Variants in PPP1R12B observed in about 807,000 individuals in gnomAD.
PPP1R12B encodes the protein protein phosphatase 1 regulatory subunit 12B.
Under a neutral mutation model 126.1 loss-of-function variants are expected in PPP1R12B, and 76 were observed. The ratio of observed to expected loss-of-function variants is 0.60; its 90% CI spans 0.50 to 0.73. The LOEUF is 0.73. Among genes scored for constraint, PPP1R12B ranks in the 30% least tolerant of loss-of-function variants. The pLI is 0.00. For missense variants in PPP1R12B, 1,052 were observed against 1,205.1 expected, an observed-to-expected ratio of 0.87 and a Z score of 1.88; for synonymous variants, 356 against 434.7, an observed-to-expected ratio of 0.82 and a Z score of 2.25.
chr1:202,493,232 G>T lies in PPP1R12B; in HGVS notation c.2060G>T (p.Ser687Ile). Residue 687 changes from serine to isoleucine, a missense_variant, in exon 15 of 24, where the codon AGC (serine) becomes ATC (isoleucine). Coordinates refer to ENST00000608999, the MANE Select transcript of PPP1R12B (RefSeq NM_002481.4). ...ACAGACACTGAAGGGCTTGAGGGGA[G>T]CCCTGAGAAGCATGAGCCCTCAGCA... ...KPTDTEGLEGSPEKHEPSAVP... is the reference protein window; with the variant it reads ...KPTDTEGLEGIPEKHEPSAVP... The T allele has an allele frequency of 6.2e-7, 1 of 1,613,004 alleles. No homozygotes were observed. The highest frequency in any genetic ancestry group is 1.3e-5 in the African/African-American group (1 of 75,014).
intron 12 of PPP1R12B, chr1:202,443,177 T>C (rs954294049): frequency 7.5e-6 from 7 of 931,122 alleles, no homozygotes; most frequent in African/African-American, 7.1e-5. Flanking sequence ...TCTGCAATTA[T>C]TTTCTTTGCC....
intron 18 of PPP1R12B, among the ~76,000 whole-genome samples, chr1:202,516,345 A>G (rs554194881): frequency 4.3e-4 from 66 of 152,302 alleles, no homozygotes; most frequent in African/African-American, 1.6e-3. Flanking sequence ...AAGAAGAGAA[A>G]GAGATAAAGG....
chr1:202,426,392 C>G (rs943193421), intron 4 of PPP1R12B, among the ~76,000 whole-genome samples: 3 of 152,110 alleles, frequency 2.0e-5, no homozygotes, highest in Non-Finnish European at 4.4e-5. Flanking sequence ...ATAGCGCTAT[C>G]CATAAGGGCC....
chr1:202,564,363 A>C, intron 20 of PPP1R12B, 80 bp from the exon 21 acceptor site: 3 of 1,060,610 alleles, frequency 2.8e-6, no homozygotes, highest in Non-Finnish European at 4.2e-6. Context: ...CTTGGGGCAC[A>C]GAGCCCTGGG....
intron 1 of PPP1R12B, among the ~76,000 whole-genome samples, chr1:202,351,408 T>C (rs530146816): frequency 6.6e-6 from 1 of 152,202 alleles, no homozygotes; most frequent in East Asian, 1.9e-4. Flanking sequence ...CCAGCTAATT[T>C]TTGTATTTTT....
intron 17 of PPP1R12B, 72 bp downstream of exon 17, chr1:202,495,754 G>C: frequency 7.4e-7 from 1 of 1,357,362 alleles, no homozygotes; most frequent in Non-Finnish European, 1.0e-6. Context: ...GAGTTTAAAA[G>C]AAAGAGTCCC....
chr1:202,463,047 G>T, intron 13 of PPP1R12B: 1 of 985,390 alleles, frequency 1.0e-6, no homozygotes, highest in Non-Finnish European at 1.2e-6. Flanking sequence ...ACTCCAGTGT[G>T]CTGAGTTGAG....
intron 1 of PPP1R12B, among the ~76,000 whole-genome samples, chr1:202,409,811 A>G (rs763464138): frequency 6.6e-6 from 1 of 151,952 alleles, no homozygotes; most frequent in Non-Finnish European, 1.5e-5. Flanking sequence ...CTACAGGCCT[A>G]TTTTGTTTTT....
At chr1:202,390,662 CTTTT>C (rs35412743) in intron 1 of PPP1R12B, among the ~76,000 whole-genome samples, 1 of 135,218 alleles carries the variant, frequency 7.4e-6, no homozygotes, top group African/African-American at 2.7e-5. Flanking sequence ...TCACATCCAG[CTTTT>C]TTTTTTTTTT....
At chr1:202,496,904 A>G (rs1679634781) in intron 18 of PPP1R12B, 82 bp downstream of exon 18, 1 of 1,366,042 alleles carries the variant, frequency 7.3e-7, no homozygotes, top group Non-Finnish European at 1.0e-6. Context: ...AAAGGGCAAG[A>G]CTTAATGCAG....
chr1:202,564,025 A>C (rs1687805913), intron 20 of PPP1R12B, among the ~76,000 whole-genome samples: 1 of 152,050 alleles, frequency 6.6e-6, no homozygotes, highest in South Asian at 2.1e-4. Context: ...ATGCTACTAC[A>C]CTCCAGCCTG....
At chr1:202,357,936 G>T (rs1488738643) in intron 1 of PPP1R12B, among the ~76,000 whole-genome samples, 1 of 152,134 alleles carries the variant, frequency 6.6e-6, no homozygotes, top group Non-Finnish European at 1.5e-5. Flanking sequence ...TAGGAAATTG[G>T]CTACATAACC....
intron 18 of PPP1R12B, among the ~76,000 whole-genome samples, chr1:202,500,983 T>C (rs1367052122): frequency 6.6e-6 from 1 of 152,240 alleles, no homozygotes; most frequent in African/African-American, 2.4e-5. Flanking sequence ...AGTTTTAGTC[T>C]GAACCCATCT....
intron 10 of PPP1R12B, chr1:202,438,795 GC>G: frequency 1.3e-6 from 1 of 783,284 alleles, no homozygotes; most frequent in Non-Finnish European, 2.3e-6. Context: ...CGTCATCCAG[GC>G]CCTGGATCTT....
intron 1 of PPP1R12B, among the ~76,000 whole-genome samples, chr1:202,362,078 T>C (rs80092135): frequency 1.3e-5 from 2 of 152,002 alleles, no homozygotes; most frequent in South Asian, 2.1e-4. Flanking sequence ...TTTTTTTTTT[T>C]CCTGCTTCTT....
At chr1:202,559,094 G>C (rs556986325) in intron 19 of PPP1R12B, among the ~76,000 whole-genome samples, 1 of 152,206 alleles carries the variant, frequency 6.6e-6, no homozygotes, top group South Asian at 2.1e-4. Flanking sequence ...TTACCTTCCT[G>C]CTTCCAGATT....
At chr1:202,464,140 G>T (rs1674680207) in intron 13 of PPP1R12B, among the ~76,000 whole-genome samples, 1 of 152,102 alleles carries the variant, frequency 6.6e-6, no homozygotes. Context: ...CTAGTATTCT[G>T]TCTTCAGTGT....
intron 18 of PPP1R12B, chr1:202,540,178 G>T: frequency 6.2e-7 from 1 of 1,610,940 alleles, no homozygotes; most frequent in South Asian, 1.1e-5. Flanking sequence ...AATTCACTCG[G>T]AATAGGAAAT....
chr1:202,433,896 C>T (rs1256583777), intron 8 of PPP1R12B, among the ~76,000 whole-genome samples: 2 of 152,128 alleles, frequency 1.3e-5, no homozygotes, highest in African/African-American at 4.8e-5. Context: ...ATTGAACTCC[C>T]AGGTCTCAGC....
Sources: gnomAD v4.1 joint callset for allele counts (sites outside exome capture counted in the v4.1 genomes callset) on GRCh38, gnomAD v4.1.1 for gene constraint, MANE v1.5 for transcripts, NCBI Gene and HGNC (gene_info 2026-07-23, HGNC 2026-07-21) for gene names.